The following TSPAN18 variants were observed in gnomAD, a reference collection of about 807,000 sequenced individuals.
The protein encoded by TSPAN18 is tetraspanin 18.
A neutral mutation model predicts 27.3 loss-of-function variants in TSPAN18; 14 were observed. The observed-to-expected ratio is 0.51, with a 90% CI of 0.34 to 0.80. The LOEUF is 0.80. Among genes scored for constraint, TSPAN18 ranks in the 30% least tolerant of loss-of-function variants. The pLI, the probability that TSPAN18 is intolerant of heterozygous loss-of-function variation, is 0.01. For synonymous variants in TSPAN18, 143 were observed against 136.5 expected (o/e 1.05, Z -0.33); for missense variants, 268 against 323.9 (o/e 0.83, Z 1.32).
At chr11:44,874,182 AAGG>A (rs1378007861) in intron 3 of TSPAN18, among the ~76,000 whole-genome samples, 1 of 152,186 alleles carries the variant, frequency 6.6e-6, no homozygotes, top group Non-Finnish European at 1.5e-5. Flanking sequence ...CATCTGTAAA[AAGG>A]AGATGGGCCT....
At chr11:44,877,209 G>A (rs752302924) in intron 3 of TSPAN18, among the ~76,000 whole-genome samples, 40 of 152,240 alleles carry the variant, frequency 2.6e-4, no homozygotes, top group Admixed American at 4.6e-4. Flanking sequence ...TTCCTACGAC[G>A]TCTGCAGGGT....
chr11:44,860,828 G>A (rs1467453229), intron 3 of TSPAN18, among the ~76,000 whole-genome samples: 1 of 152,192 alleles, frequency 6.6e-6, no homozygotes, highest in Non-Finnish European at 1.5e-5. Context: ...ACCAGTGGTG[G>A]GTCAGAAGTA....
intron 2 of TSPAN18, among the ~76,000 whole-genome samples, chr11:44,778,615 T>C (rs1190451200): frequency 6.6e-6 from 1 of 152,186 alleles, no homozygotes; most frequent in African/African-American, 2.4e-5. Flanking sequence ...ATGGCTCACT[T>C]GGTCTCTGAG....
chr11:44,751,859 G>A (rs565811604), intron 1 of TSPAN18, among the ~76,000 whole-genome samples: 4 of 151,872 alleles, frequency 2.6e-5, no homozygotes, highest in Non-Finnish European at 5.9e-5. Context: ...CCTGGGAGGC[G>A]GAGGTTTCAA....
intron 1 of TSPAN18, among the ~76,000 whole-genome samples, chr11:44,761,510 G>C (rs1400568554): frequency 1.3e-5 from 2 of 152,214 alleles, no homozygotes; most frequent in Non-Finnish European, 2.9e-5. Flanking sequence ...GCTGGGTTTT[G>C]CCTCTTCTGG....
intron 3 of TSPAN18, among the ~76,000 whole-genome samples, chr11:44,888,153 C>G (rs1266401558): frequency 1.3e-5 from 2 of 152,114 alleles, no homozygotes; most frequent in Admixed American, 6.5e-5. Context: ...GGGCTGCCAA[C>G]TCCTCCTCTT....
intron 3 of TSPAN18, among the ~76,000 whole-genome samples, chr11:44,861,793 T>TCTCACACA (rs1491236551): frequency 2.4e-4 from 32 of 132,146 alleles, no homozygotes; most frequent in Admixed American, 7.2e-4. Context: ...AGCCCAAATT[T>TCTCACACA]CACACACACA....
intron 3 of TSPAN18, among the ~76,000 whole-genome samples, chr11:44,881,886 T>C (rs932501041): frequency 2.0e-5 from 3 of 152,236 alleles, no homozygotes; most frequent in African/African-American, 7.2e-5. Context: ...TATGATGCCT[T>C]CTATAAAGGA....
chr11:44,926,815 G>T, intron 9 of TSPAN18, 58 bp downstream of exon 9: 1 of 1,575,220 alleles, frequency 6.3e-7, no homozygotes, highest in East Asian at 2.2e-5. Context: ...GTGGAGCCTA[G>T]GCAGATCCCC....
intron 2 of TSPAN18, among the ~76,000 whole-genome samples, chr11:44,824,703 A>G (rs1856998181): frequency 6.6e-6 from 1 of 152,230 alleles, no homozygotes; most frequent in South Asian, 2.1e-4. Context: ...AGGCCTTCAG[A>G]GTAAACACAC....
intron 2 of TSPAN18, among the ~76,000 whole-genome samples, chr11:44,834,991 G>C (rs1400776019): frequency 1.3e-5 from 2 of 152,204 alleles, no homozygotes; most frequent in African/African-American, 4.8e-5. Flanking sequence ...CTTGAGAGGA[G>C]AGAACTGAGC....
intron 5 of TSPAN18, among the ~76,000 whole-genome samples, chr11:44,911,460 A>G (rs906914483): frequency 2.0e-5 from 3 of 152,196 alleles, no homozygotes; most frequent in Non-Finnish European, 2.9e-5. Flanking sequence ...CAACAGCGCA[A>G]ACACTGCAGA....
chr11:44,903,657 C>T (rs1157357370), intron 3 of TSPAN18: 1 of 456,568 alleles, frequency 2.2e-6, no homozygotes, highest in African/African-American at 2.0e-5. Context: ...GTTTCAGAGA[C>T]CCCTGTGATA....
At chr11:44,728,190 G>A (rs1304535049) in intron 1 of TSPAN18, among the ~76,000 whole-genome samples, 4 of 152,230 alleles carry the variant, frequency 2.6e-5, no homozygotes, top group African/African-American at 9.6e-5. Flanking sequence ...GAGGCGAAAG[G>A]TTCACAGTTA....
At chr11:44,841,351 C>G (rs1255487659) in intron 2 of TSPAN18, among the ~76,000 whole-genome samples, 1 of 152,030 alleles carries the variant, frequency 6.6e-6, no homozygotes, top group East Asian at 1.9e-4. Context: ...ACCCCCATCT[C>G]TATTAAAAAT....
chr11:44,822,664 T>G (rs763362337), intron 2 of TSPAN18, among the ~76,000 whole-genome samples: 2 of 151,970 alleles, frequency 1.3e-5, no homozygotes, highest in African/African-American at 2.4e-5. Context: ...AGCATCCCAG[T>G]GTTTGGAGGA....
intron 2 of TSPAN18, among the ~76,000 whole-genome samples, chr11:44,857,547 A>G (rs1857769212): frequency 6.6e-6 from 1 of 152,218 alleles, no homozygotes; most frequent in South Asian, 2.1e-4. Context: ...AGAGTGAAGG[A>G]GACAGAACCA....
chr11:44,781,957 T>C (rs1855948372), intron 2 of TSPAN18, among the ~76,000 whole-genome samples: 2 of 152,230 alleles, frequency 1.3e-5, no homozygotes, highest in African/African-American at 4.8e-5. Context: ...TACTCTCCTG[T>C]CAGTCTCCCT....
upstream of TSPAN18, chr11:44,726,887 G>GGGAGGGGGAGGGAGGGCGGA (rs1283398095): frequency 5.0e-5 from 7 of 139,130 alleles, no homozygotes; most frequent in African/African-American, 1.5e-4. Flanking sequence ...CGGAGGTTTG[G>GGGAGGGGGAGGGAGGGCGGA]GGAGGGGGAG....
Sources: gnomAD v4.1 joint callset for allele counts (sites outside exome capture counted in the v4.1 genomes callset) on GRCh38, gnomAD v4.1.1 for gene constraint, MANE v1.5 for transcripts, NCBI Gene and HGNC (gene_info 2026-07-23, HGNC 2026-07-21) for gene names.